IQCH: variants seen among roughly 807,000 people sequenced by gnomAD.
IQCH encodes the protein IQ motif containing H, also known as IQ domain-containing protein H.
IQCH carries 98 observed loss-of-function variants against 117.0 expected under a neutral mutation model. The observed-to-expected ratio is 0.84, with a 90% CI of 0.71 to 0.99. The LOEUF is 0.99. Among genes scored for constraint, IQCH ranks in the 50% least tolerant of loss-of-function variants. IQCH has a pLI of 0.00. For missense variants in IQCH, 1,102 were observed against 1,243.8 expected, an observed-to-expected ratio of 0.89 and a Z score of 1.72; for synonymous variants, 412 against 448.2, an observed-to-expected ratio of 0.92 and a Z score of 1.02.
At chr15:67,470,445 T>C (rs1203755168) in intron 17 of IQCH, among the ~76,000 whole-genome samples, 1 of 152,204 alleles carries the variant, frequency 6.6e-6, no homozygotes, top group African/African-American at 2.4e-5. Context: ...CCCAAAGTGC[T>C]GGGATTACAG....
In IQCH at chr15:67,436,930, G is replaced by A. The variant is rs913088239; in HGVS notation, c.2505+15353G>A. ...AAGGGGAGTCTGAGCTCAGACACGC[G>A]TAGCCCCACCCCCACCTGATGGTCC... On this transcript the variant is annotated intron_variant, in intron 16 of 20. Coordinates refer to ENST00000335894, the MANE Select transcript of IQCH (RefSeq NM_001031715.3). The surrounding 1 kb of genome is among the most constrained non-coding windows in gnomAD (Gnocchi z 5.1). Among the ~76,000 whole-genome samples the A allele has an allele frequency of 5.9e-5, 9 of 151,904 alleles. No homozygotes were observed. Among genetic ancestry groups the A allele is most frequent in the African/African-American group, 1.7e-4 (7 of 41,330 alleles).
chr15:67,372,206 C>G lies in IQCH; in HGVS notation c.849C>G (p.Asp283Glu), dbSNP rs1288144183. The stretch of plus-strand genomic sequence containing the variant: ...GTGTCATAGACAATACAGCCCCAGA[C>G]TTCTTAGCATTCAAGGAACATTTTA... ...YDGVIDNTAP[D>E]FLAFKEHFSL... is the part of the protein sequence containing the mutation. Residue 283 changes from aspartate to glutamate, a missense_variant, in exon 9 of 21, where the codon GAC (aspartate) becomes GAG (glutamate). Physicochemically the swap from Asp to Glu is conservative, Grantham distance 45. Coordinates refer to ENST00000335894, the MANE Select transcript of IQCH (RefSeq NM_001031715.3). 3.7e-6 allele frequency: 6 copies of G among 1,614,042 alleles called. No homozygotes were observed. Among genetic ancestry groups the G allele is most frequent in the Non-Finnish European group, 5.1e-6 (6 of 1,179,960 alleles).
intron 3 of IQCH, among the ~76,000 whole-genome samples, chr15:67,266,423 A>G (rs562027646): frequency 6.6e-6 from 1 of 152,128 alleles, no homozygotes; most frequent in Admixed American, 6.5e-5. Context: ...TTGGGAGGCC[A>G]AGGCGGGCGG....
rs1008301222 is a variant in IQCH, at chr15:67,494,223, G to A, written c.2862-35G>A. The A allele has an allele frequency of 1.0e-5, 15 of 1,487,294 alleles. No homozygotes were observed. Among genetic ancestry groups the A allele is most frequent in the African/African-American group, 7.0e-5 (5 of 71,614 alleles). 92.1% of individuals were successfully genotyped at this position (1,487,294 alleles called of 1,614,324 possible). A position where few individuals can be genotyped will look rare whatever the true frequency, so the allele number is the denominator to read the frequency against. ...TGTTTTTAAGCATGTGAAGGGAATC[G>A]TTGGTAAACTCATTTGTTTGGATAT... On this transcript the variant is annotated intron_variant, in intron 19 of 20. Coordinates refer to ENST00000335894, the MANE Select transcript of IQCH (RefSeq NM_001031715.3). This position sits in a 1 kb window ranked among gnomAD's most constrained non-coding sequence, Gnocchi z 5.5.
chr15:67,307,952 A>G (rs1330319823), intron 4 of IQCH, among the ~76,000 whole-genome samples: 1 of 152,122 alleles, frequency 6.6e-6, no homozygotes, highest in Non-Finnish European at 1.5e-5. Context: ...ATTGACTGTC[A>G]TTTCACCAGG....
At chr15:67,312,827 T>C (rs1221541353) in intron 4 of IQCH, among the ~76,000 whole-genome samples, 3 of 152,166 alleles carry the variant, frequency 2.0e-5, no homozygotes, top group Non-Finnish European at 4.4e-5. Flanking sequence ...AGGTTAATTA[T>C]CTACTGAGAG....
At chr15:67,452,420 G>C (rs533787130) in intron 16 of IQCH, among the ~76,000 whole-genome samples, 2 of 152,264 alleles carry the variant, frequency 1.3e-5, no homozygotes, top group East Asian at 3.9e-4. Flanking sequence ...GGCTGGCCTG[G>C]TGGTGACAGA....
At chr15:67,324,627 AAG>A (rs1555450629) in intron 4 of IQCH, among the ~76,000 whole-genome samples, 2 of 151,390 alleles carry the variant, frequency 1.3e-5, no homozygotes, top group Non-Finnish European at 1.5e-5. Context: ...AAAAAAAAAA[AAG>A]AAGTCAAAAA....
intron 10 of IQCH, chr15:67,374,252 G>C (rs1970664029): frequency 6.6e-6 from 1 of 152,282 alleles, no homozygotes; most frequent in African/African-American, 2.4e-5. Context: ...GGTGAGGTCA[G>C]ATTTCCTAAG....
rs1971193708 is a variant in IQCH at position 67,388,967 on chromosome 15, G to A, written c.1593G>A (p.Arg531=). The change falls in exon 12 of 21, where the codon AGG becomes AGA. Residue 531 remains arginine, a synonymous_variant. Transcript: ENST00000335894. The surrounding 1 kb of genome is among the most constrained non-coding windows in gnomAD (Gnocchi z 5.5). The stretch of plus-strand genomic sequence containing the variant: ...AGGACAGAAGTGACCTGCAGGACAG[G>A]TTCAAAATTATCACACCTGAAGCTG... ...NLEDRSDLQD[R]FKIITPEAVN... is the part of the protein sequence containing the mutation. The A allele has an allele frequency of 6.2e-7, 1 of 1,613,862 alleles. No individual in the cohort carries two copies. Among genetic ancestry groups the A allele is most frequent in the Admixed American group, 1.7e-5 (1 of 59,992 alleles).
At chr15:67,309,643 G>T (rs543921552) in intron 4 of IQCH, among the ~76,000 whole-genome samples, 1 of 151,996 alleles carries the variant, frequency 6.6e-6, no homozygotes, top group South Asian at 2.1e-4. Flanking sequence ...TGAAATGCTG[G>T]TACTACTGGA....
At chr15:67,285,764 G>C (rs1475502626) in intron 4 of IQCH, among the ~76,000 whole-genome samples, 1 of 151,956 alleles carries the variant, frequency 6.6e-6, no homozygotes, top group Non-Finnish European at 1.5e-5. Flanking sequence ...AGAGTTGTAG[G>C]TGTGCAGTCT....
chr15:67,277,853 C>T (rs1966194344), intron 3 of IQCH, among the ~76,000 whole-genome samples: 1 of 152,150 alleles, frequency 6.6e-6, no homozygotes, highest in South Asian at 2.1e-4. Context: ...GTTTTTATCA[C>T]CCCTTTTGTC....
chr15:67,337,897 C>G (rs1968966047), intron 5 of IQCH, among the ~76,000 whole-genome samples: 1 of 152,156 alleles, frequency 6.6e-6, no homozygotes, highest in Non-Finnish European at 1.5e-5. Context: ...CTTCTGCCAC[C>G]TGGAAATTCA....
intron 6 of IQCH, among the ~76,000 whole-genome samples, chr15:67,355,802 G>A (rs1969868946): frequency 6.6e-6 from 1 of 152,056 alleles, no homozygotes; most frequent in Admixed American, 6.6e-5. Flanking sequence ...TAAAATCCAA[G>A]GCCACATGAA....
At chr15:67,335,445 C>T (rs1567105757) in intron 4 of IQCH, among the ~76,000 whole-genome samples, 1 of 152,182 alleles carries the variant, frequency 6.6e-6, no homozygotes, top group Non-Finnish European at 1.5e-5. Flanking sequence ...CTCCGATTTA[C>T]CTTTGTCTCA....
At chr15:67,297,424 C>T (rs750806847) in intron 4 of IQCH, among the ~76,000 whole-genome samples, 9 of 152,082 alleles carry the variant, frequency 5.9e-5, no homozygotes, top group Non-Finnish European at 1.2e-4. Context: ...TTCACTTTAT[C>T]GTATATTATT....
intron 6 of IQCH, among the ~76,000 whole-genome samples, chr15:67,353,365 T>A (rs983310629): frequency 1.4e-5 from 2 of 141,256 alleles, no homozygotes; most frequent in African/African-American, 5.1e-5. Context: ...TTTATTTATT[T>A]TTTTTTTTTT....
In IQCH at chr15:67,306,484, T is replaced by C. The variant is rs142143783; in HGVS notation, c.387+26972T>C. 2.5e-3 allele frequency among the ~76,000 whole-genome samples: 375 copies of C among 152,256 alleles called. 5 individuals carry two copies. Among genetic ancestry groups the C allele is most frequent in the East Asian group, 0.012 (60 of 5,176 alleles). Reference sequence around the variant, plus strand: ...GAAACTTGATCAGCTTGTCAAAAGCTTGTAAATAACCTTAGACATTTTTGA... The same window carrying C: ...GAAACTTGATCAGCTTGTCAAAAGCCTGTAAATAACCTTAGACATTTTTGA... On this transcript the variant is annotated intron_variant, in intron 4 of 20. Coordinates refer to ENST00000335894, the MANE Select transcript of IQCH (RefSeq NM_001031715.3).
Sources: allele counts gnomAD v4.1 joint callset (sites outside exome capture counted in the v4.1 genomes callset), GRCh38; gene constraint gnomAD v4.1.1; non-coding constraint Gnocchi (gnomAD v3.1); transcripts MANE v1.5; gene names NCBI Gene and HGNC (gene_info 2026-07-23, HGNC 2026-07-21).